UBE2QL1: variants seen among roughly 807,000 people sequenced by gnomAD.
The protein encoded by UBE2QL1 is ubiquitin-conjugating enzyme E2Q-like protein 1.
Under a neutral mutation model 12.6 loss-of-function variants are expected in UBE2QL1, and 5 were observed. That is an observed-to-expected ratio of 0.40 (90% CI 0.21 to 0.83). The LOEUF is 0.83. UBE2QL1 is among the 40% of genes least tolerant of loss of function. The pLI is 0.37. For synonymous variants in UBE2QL1, 96 were observed against 94.5 expected (o/e 1.02, Z -0.10); for missense variants, 99 against 222.6 (o/e 0.44, Z 3.53).
At chr5:6,469,578 GTA>G (rs1015735676) in intron 1 of UBE2QL1, among the ~76,000 whole-genome samples, 3 of 140,486 alleles carry the variant, frequency 2.1e-5, no homozygotes, top group South Asian at 2.2e-4. Context: ...GTGTGTGTGT[GTA>G]TATATATACA....
At chr5:6,472,726 T>A (rs1739941485) in intron 1 of UBE2QL1, among the ~76,000 whole-genome samples, 1 of 152,196 alleles carries the variant, frequency 6.6e-6, no homozygotes, top group Non-Finnish European at 1.5e-5. Flanking sequence ...TCTCCCCAAA[T>A]TTTCTTTATC....
intron 1 of UBE2QL1, among the ~76,000 whole-genome samples, chr5:6,454,460 C>A (rs563688153): frequency 6.6e-6 from 1 of 152,302 alleles, no homozygotes; most frequent in South Asian, 2.1e-4. Flanking sequence ...AAAACCCTGT[C>A]TCCAAATAAG....
intron 1 of UBE2QL1, among the ~76,000 whole-genome samples, chr5:6,460,530 C>T (rs757874290): frequency 1.3e-5 from 2 of 152,094 alleles, no homozygotes; most frequent in Non-Finnish European, 2.9e-5. Flanking sequence ...CCTTTTTGCC[C>T]TCATAAATCT....
intron 1 of UBE2QL1, among the ~76,000 whole-genome samples, chr5:6,454,207 C>T (rs193183141): frequency 4.2e-4 from 64 of 152,220 alleles, no homozygotes; most frequent in African/African-American, 1.5e-3. Flanking sequence ...TGTTTAAAGG[C>T]CCTGTATTAG....
At chr5:6,477,185 G>GC (rs751353469) in intron 1 of UBE2QL1, among the ~76,000 whole-genome samples, 3 of 152,318 alleles carry the variant, frequency 2.0e-5, no homozygotes, top group African/African-American at 4.8e-5. Flanking sequence ...ACCTCCACGT[G>GC]CCCCCCAGGC....
intron 1 of UBE2QL1, among the ~76,000 whole-genome samples, chr5:6,467,385 C>T (rs1043559879): frequency 1.3e-5 from 2 of 152,046 alleles, no homozygotes; most frequent in African/African-American, 4.8e-5. Context: ...GGCTGGATCC[C>T]GAGGCTGCTG....
chr5:6,461,016 C>T (rs1739646856), intron 1 of UBE2QL1, among the ~76,000 whole-genome samples: 1 of 152,208 alleles, frequency 6.6e-6, no homozygotes, highest in African/African-American at 2.4e-5. Flanking sequence ...TTCAGTACAA[C>T]TGAAAGAGAA....
chr5:6,482,350 C>A (rs1734379134), intron 1 of UBE2QL1, among the ~76,000 whole-genome samples: 1 of 152,170 alleles, frequency 6.6e-6, no homozygotes, highest in Admixed American at 6.5e-5. Flanking sequence ...AGGCACCTCC[C>A]ATCCCTGCCT....
chr5:6,465,855 C>T (rs1183220768), intron 1 of UBE2QL1, among the ~76,000 whole-genome samples: 1 of 152,242 alleles, frequency 6.6e-6, no homozygotes. Context: ...ACCTGGACTC[C>T]TCGCCATTTC....
chr5:6,451,229 T>A (rs907041714), intron 1 of UBE2QL1, among the ~76,000 whole-genome samples: 1 of 129,002 alleles, frequency 7.8e-6, no homozygotes, highest in Non-Finnish European at 1.7e-5. Context: ...AAAACAAAGG[T>A]TTGAAATGAG....
rs1055374285 is a variant in UBE2QL1 at position 6,481,122 on chromosome 5, G to A, written c.355-10096G>A. Among the ~76,000 whole-genome samples the A allele has an allele frequency of 5.3e-5, 8 of 152,170 alleles. No homozygotes were observed. The highest frequency in any genetic ancestry group is 1.9e-4 in the African/African-American group (8 of 41,448). On this transcript the variant is annotated intron_variant, in intron 1 of 1. Transcript: ENST00000399816. This position sits in a 1 kb window ranked among gnomAD's most constrained non-coding sequence, Gnocchi z 4.5. ...ACTGTTTTTCAAGAGTTGGCCCGGA[G>A]CGTGCTTCTCGGGCCATTTCACCTG... is the stretch of plus-strand genomic sequence containing the variant.
chr5:6,488,062 G>A (rs116335706), intron 1 of UBE2QL1, among the ~76,000 whole-genome samples: 4,327 of 152,330 alleles, frequency 0.028, 96 homozygotes, highest in Non-Finnish European at 0.041. Context: ...AATTGTAAAC[G>A]TGGGTGTAAG....
intron 1 of UBE2QL1, among the ~76,000 whole-genome samples, chr5:6,470,714 C>T (rs369018142): frequency 3.9e-5 from 6 of 152,338 alleles, no homozygotes; most frequent in Middle Eastern, 3.4e-3. Flanking sequence ...CCAGCCCTGT[C>T]GGGTGACAGT....
chr5:6,484,616 G>A (rs1370168124), intron 1 of UBE2QL1, among the ~76,000 whole-genome samples: 1 of 152,170 alleles, frequency 6.6e-6, no homozygotes, highest in East Asian at 1.9e-4. Flanking sequence ...GCTGAGCACG[G>A]AGCAGTCACC....
intron 1 of UBE2QL1, among the ~76,000 whole-genome samples, chr5:6,475,018 T>C (rs1734202618): frequency 6.6e-6 from 1 of 152,260 alleles, no homozygotes; most frequent in Admixed American, 6.5e-5. Flanking sequence ...TGGCAGTGAC[T>C]GGCGCAGCTT....
intron 1 of UBE2QL1, among the ~76,000 whole-genome samples, chr5:6,469,863 A>T (rs369629684): frequency 1.3e-5 from 2 of 152,280 alleles, no homozygotes; most frequent in Non-Finnish European, 2.9e-5. Context: ...ATAACAATTT[A>T]TTAGAGAAGG....
At chr5:6,482,482 C>T (rs1249330296) in intron 1 of UBE2QL1, among the ~76,000 whole-genome samples, 1 of 152,180 alleles carries the variant, frequency 6.6e-6, no homozygotes, top group East Asian at 1.9e-4. Context: ...ATCATTGCCA[C>T]TTGTCTTTTG....
At chr5:6,484,096 C>T (rs1734418122) in intron 1 of UBE2QL1, among the ~76,000 whole-genome samples, 1 of 152,220 alleles carries the variant, frequency 6.6e-6, no homozygotes, top group African/African-American at 2.4e-5. Context: ...AACTAAATCA[C>T]AGCTAGTCAT....
intron 1 of UBE2QL1, among the ~76,000 whole-genome samples, chr5:6,486,253 A>G (rs2126371507): frequency 6.6e-6 from 1 of 152,180 alleles, no homozygotes; most frequent in Admixed American, 6.5e-5. Context: ...TGGAGCTGGG[A>G]TTTGAAGCCA....
Sources: allele counts gnomAD v4.1 joint callset (sites outside exome capture counted in the v4.1 genomes callset), GRCh38; gene constraint gnomAD v4.1.1; non-coding constraint Gnocchi (gnomAD v3.1); transcripts MANE v1.5; gene names NCBI Gene and HGNC (gene_info 2026-07-23, HGNC 2026-07-21).